Variants in HCN1 observed in about 807,000 individuals in gnomAD.
HCN1 encodes hyperpolarization activated cyclic nucleotide gated potassium channel 1, also known as potassium/sodium hyperpolarization-activated cyclic nucleotide-gated channel 1.
HCN1 carries 13 observed loss-of-function variants against 78.9 expected under a neutral mutation model. The observed-to-expected ratio is 0.16, with a 90% CI of 0.11 to 0.26. HCN1 has a LOEUF of 0.26. Ranked by LOEUF, HCN1 falls within the 10% of genes least tolerant of loss-of-function variation. The pLI, the probability that HCN1 is intolerant of heterozygous loss-of-function variation, is 1.00. For missense variants in HCN1, 810 were observed against 1,154.3 expected (o/e 0.70, Z 4.32); for synonymous variants, 552 against 455.5 (o/e 1.21, Z -2.70).
chr5:45,377,775 T>C (rs1184088491), intron 4 of HCN1, among the ~76,000 whole-genome samples: 2 of 151,988 alleles, frequency 1.3e-5, no homozygotes, highest in Non-Finnish European at 2.9e-5. Flanking sequence ...TACATAAGAC[T>C]ATAACAAATT....
intron 2 of HCN1, among the ~76,000 whole-genome samples, chr5:45,549,347 T>G (rs1318598751): frequency 1.3e-5 from 2 of 151,520 alleles, no homozygotes; most frequent in African/African-American, 4.8e-5. Context: ...ATGCCACACA[T>G]CTACAAACAT....
intron 2 of HCN1, among the ~76,000 whole-genome samples, chr5:45,482,133 A>G (rs6865621): frequency 0.071 from 10,860 of 152,202 alleles, 491 homozygotes; most frequent in East Asian, 0.14. Context: ...ACTATTATAA[A>G]AAACCTGGAA....
intron 2 of HCN1, among the ~76,000 whole-genome samples, chr5:45,593,678 T>G (rs1259237484): frequency 6.8e-6 from 1 of 146,170 alleles, no homozygotes; most frequent in Non-Finnish European, 1.5e-5. Context: ...TGAATTTTAT[T>G]TATTTATTTA....
chr5:45,340,216 C>G lies in HCN1; in HGVS notation c.1377+12884G>C, dbSNP rs73099467. The stretch of plus-strand genomic sequence containing the variant: ...GATTACAGGCATGAGCCACCATGTC[C>G]GGCTGGGAAGAATAGTTAATAAAAC... On this transcript the variant is annotated intron_variant, in intron 5 of 7. Transcript: ENST00000303230. Among the ~76,000 whole-genome samples, 69 of 152,230 alleles carry G rather than the reference C, an allele frequency of 4.5e-4. 1 individual carries two copies. The highest frequency in any genetic ancestry group is 1.6e-3 in the African/African-American group (68 of 41,548).
chr5:45,441,678 A>C (rs1041771037), intron 3 of HCN1, among the ~76,000 whole-genome samples: 3 of 152,222 alleles, frequency 2.0e-5, no homozygotes, highest in Non-Finnish European at 4.4e-5. Flanking sequence ...AAAATAATTA[A>C]GAAAAATCTT....
At chr5:45,482,575 C>T (rs554877536) in intron 2 of HCN1, among the ~76,000 whole-genome samples, 3 of 152,210 alleles carry the variant, frequency 2.0e-5, no homozygotes, top group Non-Finnish European at 4.4e-5. Flanking sequence ...CTCCCAGCCC[C>T]GTGGAACCAG....
intron 2 of HCN1, among the ~76,000 whole-genome samples, chr5:45,630,425 C>T (rs1029817583): frequency 1.3e-5 from 2 of 152,100 alleles, no homozygotes; most frequent in East Asian, 3.9e-4. Context: ...CACTATGGGG[C>T]CTAATCAAAT....
At chr5:45,468,618 T>C (rs1741329226) in intron 2 of HCN1, among the ~76,000 whole-genome samples, 1 of 152,066 alleles carries the variant, frequency 6.6e-6, no homozygotes, top group Admixed American at 6.6e-5. Context: ...ATTTCATCTA[T>C]CTAAAACATT....
chr5:45,596,954 A>G (rs1315369902), intron 2 of HCN1, among the ~76,000 whole-genome samples: 1 of 152,124 alleles, frequency 6.6e-6, no homozygotes, highest in Admixed American at 6.6e-5. Flanking sequence ...CTGCTTCATT[A>G]TTTGTTTACC....
At chr5:45,558,466 G>T (rs939997220) in intron 2 of HCN1, 8 of 152,086 alleles carry the variant, frequency 5.3e-5, no homozygotes, top group Admixed American at 3.3e-4. Context: ...TGATGAAGGT[G>T]GCTACACTAA....
intron 5 of HCN1, among the ~76,000 whole-genome samples, chr5:45,344,069 T>A (rs1346266667): frequency 1.3e-5 from 2 of 152,078 alleles, no homozygotes; most frequent in African/African-American, 4.8e-5. Flanking sequence ...AGGGGAGGCC[T>A]CAGGAAACTT....
chr5:45,268,170 C>T (rs1214840429), intron 6 of HCN1, among the ~76,000 whole-genome samples: 1 of 152,168 alleles, frequency 6.6e-6, no homozygotes, highest in African/African-American at 2.4e-5. Flanking sequence ...TACAGAGGGA[C>T]TCTCTATTTA....
At chr5:45,378,002 A>C (rs1747724787) in intron 4 of HCN1, among the ~76,000 whole-genome samples, 2 of 152,054 alleles carry the variant, frequency 1.3e-5, no homozygotes, top group South Asian at 4.1e-4. Flanking sequence ...AAGATGACCC[A>C]AAAGACATTT....
intron 2 of HCN1, among the ~76,000 whole-genome samples, chr5:45,463,685 T>TAA (rs905538320): frequency 2.0e-5 from 3 of 152,108 alleles, no homozygotes; most frequent in African/African-American, 7.2e-5. Flanking sequence ...AATTTCTCAT[T>TAA]AAAAGTTATA....
Position 45,259,221 on chromosome 5 carries a change from A to G in HCN1, c.*2700T>C, listed in dbSNP as rs980592930. 13 of 152,020 alleles carry G rather than the reference A, an allele frequency of 8.6e-5. No individual in the cohort carries two copies. Among genetic ancestry groups the G allele is most frequent in the African/African-American group, 3.1e-4 (13 of 41,554 alleles). The allele number at this position is 152,020 out of a possible 1,614,324, so 9.4% of individuals were successfully genotyped here. Reference sequence around the variant, plus strand: ...ATAAAATAAAACATTTGATTAGCATATATTGATAAAATAAAATATTCATGA... The same window carrying G: ...ATAAAATAAAACATTTGATTAGCATGTATTGATAAAATAAAATATTCATGA... On this transcript the variant is annotated 3_prime_UTR_variant, in exon 8 of 8. Coordinates refer to ENST00000303230, the MANE Select transcript of HCN1 (RefSeq NM_021072.4).
chr5:45,593,572 A>T (rs894377537), intron 2 of HCN1, among the ~76,000 whole-genome samples: 2 of 152,114 alleles, frequency 1.3e-5, no homozygotes, highest in South Asian at 2.1e-4. Context: ...TGTTACTGCC[A>T]ATATGAACAA....
chr5:45,299,339 G>T (rs1485278137), intron 6 of HCN1, among the ~76,000 whole-genome samples: 5 of 151,920 alleles, frequency 3.3e-5, no homozygotes, highest in African/African-American at 4.8e-5. Context: ...TAAATATAAA[G>T]CCCCTGTAAT....
chr5:45,628,390 T>C (rs1027860367), intron 2 of HCN1, among the ~76,000 whole-genome samples: 1 of 152,124 alleles, frequency 6.6e-6, no homozygotes, highest in African/African-American at 2.4e-5. Flanking sequence ...AACTCTTTCA[T>C]AAAGCTCTCA....
intron 6 of HCN1, among the ~76,000 whole-genome samples, chr5:45,300,965 C>A (rs1399265674): frequency 6.6e-6 from 1 of 152,016 alleles, no homozygotes; most frequent in Non-Finnish European, 1.5e-5. Context: ...CAAAATGGAA[C>A]TTCAAAATTT....
Sources: allele counts gnomAD v4.1 joint callset (sites outside exome capture counted in the v4.1 genomes callset), GRCh38; gene constraint gnomAD v4.1.1; transcripts MANE v1.5; gene names NCBI Gene and HGNC (gene_info 2026-07-23, HGNC 2026-07-21).